The following PGAM5 variants were observed in gnomAD, a reference collection of about 807,000 sequenced individuals.
The protein encoded by PGAM5 is PGAM family member 5, mitochondrial serine/threonine protein phosphatase, also known as serine/threonine-protein phosphatase PGAM5, mitochondrial.
PGAM5 carries 25 observed loss-of-function variants against 30.6 expected under a neutral mutation model. That is an observed-to-expected ratio of 0.82 (90% confidence interval 0.60 to 1.14). The LOEUF (loss-of-function observed/expected upper bound fraction) is 1.14. PGAM5 is among the 50% of genes most tolerant of loss of function. PGAM5 has a pLI of 0.00. For synonymous variants in PGAM5, 201 were observed against 179.1 expected (o/e 1.12, Z -0.98); for missense variants, 384 against 408.5 (o/e 0.94, Z 0.52).
chr12:132,717,420 G>T lies in PGAM5; in HGVS notation c.371-19G>T. 6.2e-7 allele frequency: 1 copy of T among 1,603,136 alleles called. No homozygotes were observed. On this transcript the variant is annotated intron_variant, in intron 2 of 5. Coordinates refer to ENST00000498926, the MANE Select transcript of PGAM5 (RefSeq NM_001170543.2). ...GGAGGGGGTGCAGGTGCGGCACTCA[G>T]GTGCCTTTCACCTTCCAGGTCGGGA... is the stretch of plus-strand genomic sequence containing the variant.
chr12:132,713,500 C>T (rs565565785), intron 1 of PGAM5, among the ~76,000 whole-genome samples: 3 of 152,190 alleles, frequency 2.0e-5, no homozygotes, highest in Non-Finnish European at 4.4e-5. Flanking sequence ...CTCCCCCATA[C>T]CTGCCAATTT....
At chr12:132,712,006 C>G (rs1593115710) in intron 1 of PGAM5, among the ~76,000 whole-genome samples, 1 of 152,150 alleles carries the variant, frequency 6.6e-6, no homozygotes, top group East Asian at 1.9e-4. Flanking sequence ...CCTCATTATA[C>G]TCAGTACTTT....
At position 132,714,868 on chromosome 12, in the gene PGAM5, C is replaced by G. The variant is rs747471153; in HGVS notation, c.202C>G (p.Leu68Val). The G allele has an allele frequency of 6.2e-7, 1 of 1,613,702 alleles. No homozygotes were observed. The highest frequency in any genetic ancestry group is 8.5e-7 in the Non-Finnish European group (1 of 1,179,954). The change falls in exon 2 of 6, where the codon CTG becomes GTG. Residue 68 changes from leucine to valine, a missense_variant. Physicochemically the swap from Leu to Val is conservative, Grantham distance 32 (BLOSUM62 1). Coordinates refer to ENST00000498926, the MANE Select transcript of PGAM5 (RefSeq NM_001170543.2). ...WDPNWDRREP[L>V]SLINVRKRNV... ...GTATTTCAACATCAGGCGAGAACCA[C>G]TGTCTCTGATCAACGTGCGGAAGAG... is the stretch of plus-strand genomic sequence containing the variant.
At chr12:132,714,631 T>A (rs867708312) in intron 1 of PGAM5, 1 of 514,560 alleles carries the variant, frequency 1.9e-6, no homozygotes, top group South Asian at 2.4e-5. Flanking sequence ...GGGCTTTGCT[T>A]GTCTGTTTTG....
rs747612501 is a variant in PGAM5, at chr12:132,718,030, A to G, written c.629A>G (p.Asn210Ser). 3.7e-5 allele frequency: 59 copies of G among 1,612,724 alleles called. No individual in the cohort carries two copies. The highest frequency in any genetic ancestry group is 4.7e-5 in the Non-Finnish European group (56 of 1,180,000). Residue 210 changes from asparagine (N) to serine (S), a missense_variant, in exon 5 of 6, where the codon AAC (asparagine) becomes AGC (serine). Coordinates refer to ENST00000498926, the MANE Select transcript of PGAM5 (RefSeq NM_001170543.2). ...GCCCGGATCGAGGCCGCCTTCCGGA[A>G]CTACATCCACCGCGCAGATGCCAGG... The part of the protein sequence containing the change: ...DGARIEAAFR[N>S]YIHRADARQE...
In PGAM5 at chr12:132,717,427, T is replaced by C; in HGVS notation, c.371-12T>C. The stretch of plus-strand genomic sequence containing the variant: ...GTGCAGGTGCGGCACTCAGGTGCCT[T>C]TCACCTTCCAGGTCGGGAGCAGGCT... On this transcript the variant is annotated splice_polypyrimidine_tract_variant and intron_variant, in intron 2 of 5. Coordinates refer to ENST00000498926, the MANE Select transcript of PGAM5 (RefSeq NM_001170543.2). The C allele has an allele frequency of 1.2e-6, 2 of 1,603,902 alleles. No individual in the cohort carries two copies. The highest frequency in any genetic ancestry group is 1.7e-6 in the Non-Finnish European group (2 of 1,179,536).
At chr12:132,718,378 G>A (rs972018795) in intron 5 of PGAM5, among the ~76,000 whole-genome samples, 46 of 112,342 alleles carry the variant, frequency 4.1e-4, no homozygotes, top group African/African-American at 1.4e-3. Context: ...GGTGGGGTGC[G>A]TGCTGGGTGG....
At position 132,710,998 on chromosome 12, in the gene PGAM5, C is replaced by T. The variant is rs2043516145; in HGVS notation, c.122C>T (p.Pro41Leu). 1 of 1,205,742 alleles carries T rather than the reference C, an allele frequency of 8.3e-7. No homozygotes were observed. Among genetic ancestry groups the T allele is most frequent in the Non-Finnish European group, 1.0e-6 (1 of 971,668 alleles). 74.7% of individuals were successfully genotyped at this position (1,205,742 alleles called of 1,614,324 possible). Residue 41 changes from proline (P) to leucine (L), a missense_variant, in exon 1 of 6, where the codon CCG (proline) becomes CTG (leucine). Pro to Leu is a moderately conservative substitution (Grantham distance 98). Transcript: ENST00000498926. ...PRAGGDAEPRPAEPPAWAGGA... is the reference protein window; with the variant it reads ...PRAGGDAEPRLAEPPAWAGGA... The stretch of plus-strand genomic sequence containing the variant: ...GCAGGCGGGGACGCGGAGCCACGCC[C>T]GGCTGAGCCGCCGGCCTGGGCGGGG...
In PGAM5 at chr12:132,721,134, A is replaced by C; in HGVS notation, c.*306A>C. On this transcript the variant is annotated 3_prime_UTR_variant, in exon 6 of 6. Coordinates refer to ENST00000498926, the MANE Select transcript of PGAM5 (RefSeq NM_001170543.2). ...ACCACCATGTTCGCACCCACAGCTG[A>C]CCCGTGCTGAGGGTCCAGGCTCCAT... 1 of 238,072 alleles carries C rather than the reference A, an allele frequency of 4.2e-6. No individual in the cohort carries two copies. The highest frequency in any genetic ancestry group is 8.2e-6 in the Non-Finnish European group (1 of 122,672). The allele number at this position is 238,072 out of a possible 1,614,324, so 14.7% of individuals were successfully genotyped here.
intron 5 of PGAM5, chr12:132,719,037 CTTCT>C: frequency 7.0e-7 from 1 of 1,430,192 alleles, no homozygotes; most frequent in Non-Finnish European, 9.1e-7. Context: ...CAATCAGCCA[CTTCT>C]TTAAGGAGCT....
At chr12:132,720,314 T>G (rs992573574) in intron 5 of PGAM5, among the ~76,000 whole-genome samples, 4 of 113,646 alleles carry the variant, frequency 3.5e-5, no homozygotes, top group Non-Finnish European at 5.2e-5. Flanking sequence ...GCCCAGCCCG[T>G]TTTTTTTTTT....
intron 5 of PGAM5, chr12:132,718,737 G>A (rs932717215): frequency 3.1e-6 from 5 of 1,612,886 alleles, no homozygotes; most frequent in Non-Finnish European, 4.2e-6. Flanking sequence ...ACCACCTTCT[G>A]CCTCCGGCTG....
chr12:132,718,252 C>G lies in PGAM5; in HGVS notation c.719+132C>G. The G allele has an allele frequency of 7.7e-6, 9 of 1,173,038 alleles. No homozygotes were observed. In the South Asian group the frequency reaches 1.3e-4, roughly 17 times the overall value. 72.7% of individuals were successfully genotyped at this position (1,173,038 alleles called of 1,614,324 possible). On this transcript the variant is annotated intron_variant, in intron 5 of 5. Transcript: ENST00000498926. ...TCAGGCCTCACCAGCCCCCGGGCGT[C>G]CACTTCCCGCGAGTCCTAGTCAGTT...
At position 132,720,756 on chromosome 12, in the gene PGAM5, C is replaced by G; in HGVS notation, c.798C>G (p.Pro266=). Residue 266 remains proline, a synonymous_variant, in exon 6 of 6, where the codon CCC becomes CCG. Coordinates refer to ENST00000498926, the MANE Select transcript of PGAM5 (RefSeq NM_001170543.2). The part of the protein sequence containing the change: ...NGSITHLVIR[P]NGRVALRTLG... The stretch of plus-strand genomic sequence containing the variant: ...GCATCACCCACCTGGTGATCCGACC[C>G]AACGGCCGAGTTGCGCTCAGGACCC... 3 of 1,536,428 alleles carry G rather than the reference C, an allele frequency of 2.0e-6. No individual in the cohort carries two copies. Among genetic ancestry groups the G allele is most frequent in the Non-Finnish European group, 2.6e-6 (3 of 1,146,882 alleles).
In PGAM5 at chr12:132,711,068, G is replaced by A; in HGVS notation, c.191+1G>A. ...GTGTCTGGGACCCCAACTGGGACAG[G>A]TGCGCGCGGGGCTGTTTGGGGCCGG... On this transcript the variant is annotated splice_donor_variant, in intron 1 of 5. Transcript: ENST00000498926. LOFTEE classifies it high-confidence loss of function. 8.3e-7 allele frequency: 1 copy of A among 1,211,694 alleles called. No individual in the cohort carries two copies. The allele number at this position is 1,211,694 out of a possible 1,614,324, so 75.1% of individuals were successfully genotyped here. A position where few individuals can be genotyped will look rare whatever the true frequency, so the allele number is the denominator to read the frequency against.
chr12:132,720,464 C>T (rs879813859), intron 5 of PGAM5, among the ~76,000 whole-genome samples: 1 of 152,098 alleles, frequency 6.6e-6, no homozygotes. Context: ...CCTGCTATCA[C>T]GCCCAGCTAA....
At chr12:132,712,828 G>A (rs1210192804) in intron 1 of PGAM5, among the ~76,000 whole-genome samples, 1 of 151,944 alleles carries the variant, frequency 6.6e-6, no homozygotes, top group African/African-American at 2.4e-5. Flanking sequence ...AATTTCTTAG[G>A]TCTTTTTAAG....
chr12:132,718,064 G>C lies in PGAM5; in HGVS notation c.663G>C (p.Glu221Asp), dbSNP rs200067319. Reference sequence around the variant, plus strand: ...ACCGCGCAGATGCCAGGCAGGAGGAGGACAGTTACGAGATCTTCATCTGTC... The same window carrying C: ...ACCGCGCAGATGCCAGGCAGGAGGACGACAGTTACGAGATCTTCATCTGTC... ...YIHRADARQE[E>D]DSYEIFICHA... Residue 221 changes from glutamate (E) to aspartate (D), a missense_variant, in exon 5 of 6, where the codon GAG becomes GAC. By Grantham distance (45) the Glu-to-Asp change is conservative (BLOSUM62 2). Transcript: ENST00000498926. 19 of 1,612,742 alleles carry C rather than the reference G, an allele frequency of 1.2e-5. No individual in the cohort carries two copies. The highest frequency in any genetic ancestry group is 7.7e-5 in the South Asian group (7 of 91,090).
At chr12:132,717,656 G>A (rs747256012) in intron 3 of PGAM5, 54 bp from the exon 4 acceptor site, 85 of 1,579,178 alleles carry the variant, frequency 5.4e-5, no homozygotes, top group Admixed American at 7.2e-5. Context: ...GGAGGTCACA[G>A]CATCTCCGCC....
Sources: allele counts gnomAD v4.1 joint callset (sites outside exome capture counted in the v4.1 genomes callset), GRCh38; gene constraint gnomAD v4.1.1; transcripts MANE v1.5; gene names NCBI Gene and HGNC (gene_info 2026-07-23, HGNC 2026-07-21).